LHFPL3: variants seen among roughly 807,000 people sequenced by gnomAD.
LHFPL3 encodes LHFPL tetraspan subfamily member 3, also known as LHFPL tetraspan subfamily member 3 protein.
A neutral mutation model predicts 19.3 loss-of-function variants in LHFPL3; 5 were observed. The ratio of observed to expected loss-of-function variants is 0.26; its 90% CI spans 0.14 to 0.54. LHFPL3 has a LOEUF of 0.54. Among genes scored for constraint, LHFPL3 ranks in the 20% least tolerant of loss-of-function variants. LHFPL3 has a pLI of 0.94. For synonymous variants in LHFPL3, 133 were observed against 126.2 expected, an observed-to-expected ratio of 1.05 and a Z score of -0.36; for missense variants, 249 against 307.4, an observed-to-expected ratio of 0.81 and a Z score of 1.42.
chr7:104,474,433 G>A (rs956923840), intron 1 of LHFPL3, among the ~76,000 whole-genome samples: 155 of 152,052 alleles, frequency 1.0e-3, no homozygotes, highest in African/African-American at 3.5e-3. Flanking sequence ...GGGAGGTCGA[G>A]GCAGGCGCAT....
intron 1 of LHFPL3, among the ~76,000 whole-genome samples, chr7:104,358,148 A>G (rs985131133): frequency 7.9e-5 from 12 of 152,362 alleles, no homozygotes; most frequent in African/African-American, 2.9e-4. Context: ...TGTGGTTGCC[A>G]GGACCTGGGG....
intron 1 of LHFPL3, among the ~76,000 whole-genome samples, chr7:104,719,898 C>T (rs1315313644): frequency 6.6e-6 from 1 of 152,072 alleles, no homozygotes; most frequent in Non-Finnish European, 1.5e-5. Flanking sequence ...TGCCTCTGTT[C>T]CCTCACATGT....
chr7:104,504,670 G>A lies in LHFPL3; in HGVS notation c.445+175446G>A, dbSNP rs559698187. Among the ~76,000 whole-genome samples the A allele has an allele frequency of 7.2e-5, 11 of 152,108 alleles. No homozygotes were observed. In the South Asian group the frequency reaches 1.5e-3, roughly 20 times the overall value. ...CACACTACATTATCTTCTCCTTCAG[G>A]TTATGTGTTTAATTCAACTATCTAC... On this transcript the variant is annotated intron_variant, in intron 1 of 2. Transcript: ENST00000424859.
chr7:104,460,247 C>T (rs1356162330), intron 1 of LHFPL3, among the ~76,000 whole-genome samples: 2 of 152,050 alleles, frequency 1.3e-5, no homozygotes, highest in Non-Finnish European at 1.5e-5. Flanking sequence ...ATCCATATGA[C>T]CGTTGATGAG....
At chr7:104,835,763 TA>T (rs56897473) in intron 2 of LHFPL3, among the ~76,000 whole-genome samples, 52,990 of 139,722 alleles carry the variant, frequency 0.38, 10,464 homozygotes, top group Non-Finnish European at 0.5. Context: ...AAATTATTAT[TA>T]TTTTTTTTTA....
rs1450149024 is a variant in LHFPL3, at chr7:104,465,204, TTGGACTTCATTGTCCATATCACCATA to T, written c.445+136008_445+136033del. Reference sequence around the variant, plus strand: ...ATTGTCCATATCACCATTTTGTCCATTGGACTTCATTGTCCATATCACCATATGGACTTCATTGTCCATATCACCAT... The same window carrying T: ...ATTGTCCATATCACCATTTTGTCCATTGGACTTCATTGTCCATATCACCAT... On this transcript the variant is annotated intron_variant, in intron 1 of 2. Transcript: ENST00000424859. Among the ~76,000 whole-genome samples the T allele has an allele frequency of 1.1e-3, 166 of 152,286 alleles. 1 individual carries two copies. Among genetic ancestry groups the T allele is most frequent in the African/African-American group, 3.7e-3 (154 of 41,556 alleles).
At chr7:104,568,941 T>C (rs1313221073) in intron 1 of LHFPL3, among the ~76,000 whole-genome samples, 2 of 152,204 alleles carry the variant, frequency 1.3e-5, no homozygotes, top group African/African-American at 4.8e-5. Context: ...TATTTAATTA[T>C]ATGAAAGAGA....
At chr7:104,771,232 G>T (rs1794544943) in intron 2 of LHFPL3, among the ~76,000 whole-genome samples, 2 of 152,110 alleles carry the variant, frequency 1.3e-5, no homozygotes, top group South Asian at 4.1e-4. Context: ...ACAGACACCT[G>T]ACTAAATAAT....
chr7:104,500,993 T>C (rs1793589595), intron 1 of LHFPL3, among the ~76,000 whole-genome samples: 1 of 152,196 alleles, frequency 6.6e-6, no homozygotes, highest in Non-Finnish European at 1.5e-5. Flanking sequence ...CTGTATAGAG[T>C]TATCTCAGTA....
At chr7:104,344,342 A>G (rs1341644380) in intron 1 of LHFPL3, among the ~76,000 whole-genome samples, 1 of 152,042 alleles carries the variant, frequency 6.6e-6, no homozygotes, top group Non-Finnish European at 1.5e-5. Context: ...GAAAGCTGAG[A>G]TTTTAGTGCA....
intron 1 of LHFPL3, among the ~76,000 whole-genome samples, chr7:104,681,306 T>C (rs1380904126): frequency 1.3e-5 from 2 of 152,120 alleles, no homozygotes; most frequent in Non-Finnish European, 2.9e-5. Flanking sequence ...TCCTTGGCAC[T>C]AGTCATGTGT....
intron 1 of LHFPL3, among the ~76,000 whole-genome samples, chr7:104,509,965 T>G (rs188756032): frequency 2.9e-4 from 44 of 152,178 alleles, no homozygotes; most frequent in African/African-American, 1.0e-3. Flanking sequence ...GATATCAAAG[T>G]TAAAGTGCAG....
intron 1 of LHFPL3, among the ~76,000 whole-genome samples, chr7:104,623,530 T>C (rs1015583324): frequency 8.7e-6 from 1 of 115,262 alleles, no homozygotes; most frequent in African/African-American, 3.1e-5. Flanking sequence ...CTTGGGAGGC[T>C]GAGGCAGGAG....
chr7:104,577,528 A>T (rs369649013), intron 1 of LHFPL3, among the ~76,000 whole-genome samples: 3 of 152,266 alleles, frequency 2.0e-5, no homozygotes, highest in African/African-American at 7.2e-5. Context: ...TTATAGATAA[A>T]TGCCTATGTA....
intron 1 of LHFPL3, among the ~76,000 whole-genome samples, chr7:104,522,492 T>A (rs1164238119): frequency 4.0e-5 from 6 of 151,826 alleles, no homozygotes; most frequent in African/African-American, 1.5e-4. Context: ...CAAATGTAAC[T>A]AACCTGCACA....
At chr7:104,475,158 G>A (rs558384038) in intron 1 of LHFPL3, among the ~76,000 whole-genome samples, 1 of 152,320 alleles carries the variant, frequency 6.6e-6, no homozygotes, top group South Asian at 2.1e-4. Flanking sequence ...AGTACAGGTG[G>A]TAAAACCATG....
chr7:104,484,335 C>T (rs574812519), intron 1 of LHFPL3, among the ~76,000 whole-genome samples: 27 of 152,300 alleles, frequency 1.8e-4, no homozygotes, highest in Admixed American at 7.2e-4. Flanking sequence ...TTGCCCCACC[C>T]TCACAAAGAA....
At chr7:104,634,687 T>A (rs934326852) in intron 1 of LHFPL3, among the ~76,000 whole-genome samples, 1 of 152,188 alleles carries the variant, frequency 6.6e-6, no homozygotes, top group African/African-American at 2.4e-5. Flanking sequence ...GTGGGATCCT[T>A]CTTTGAAGAA....
At chr7:104,793,163 T>G (rs1790056444) in intron 2 of LHFPL3, among the ~76,000 whole-genome samples, 1 of 152,196 alleles carries the variant, frequency 6.6e-6, no homozygotes, top group Admixed American at 6.5e-5. Context: ...CCCAAAGTGA[T>G]GGGATTACAG....
Sources: gnomAD v4.1 joint callset for allele counts (sites outside exome capture counted in the v4.1 genomes callset) on GRCh38, gnomAD v4.1.1 for gene constraint, MANE v1.5 for transcripts, NCBI Gene and HGNC (gene_info 2026-07-23, HGNC 2026-07-21) for gene names.